ABCD3: variants seen among roughly 807,000 people sequenced by gnomAD.
ABCD3 encodes ATP-binding cassette sub-family D member 3.
A neutral mutation model predicts 105.5 loss-of-function variants in ABCD3; 41 were observed. The ratio of observed to expected loss-of-function variants is 0.39; its 90% CI spans 0.30 to 0.50. ABCD3 has a LOEUF of 0.50. Among genes scored for constraint, ABCD3 ranks in the 20% least tolerant of loss-of-function variants. The pLI is 0.84. For missense variants in ABCD3, 622 were observed against 806.3 expected (o/e 0.77, Z 2.77); for synonymous variants, 258 against 269.0 (o/e 0.96, Z 0.40).
At chr1:94,453,584 C>T (rs1289237574) in intron 1 of ABCD3, among the ~76,000 whole-genome samples, 2 of 151,986 alleles carry the variant, frequency 1.3e-5, no homozygotes, top group Non-Finnish European at 2.9e-5. Context: ...TCCCAAAGTG[C>T]TGGGATTACA....
At chr1:94,418,697 G>A in intron 1 of ABCD3, 109 bp downstream of exon 1, 1 of 1,169,982 alleles carries the variant, frequency 8.5e-7, no homozygotes, top group Non-Finnish European at 1.2e-6. Context: ...GGGTCGGGCG[G>A]AGAGAGGGCC....
intron 15 of ABCD3, among the ~76,000 whole-genome samples, chr1:94,490,240 G>T (rs150230988): frequency 6.6e-6 from 1 of 151,928 alleles, no homozygotes; most frequent in African/African-American, 2.4e-5. Context: ...CCATTTTTGT[G>T]TGTGTTTAGT....
At chr1:94,459,428 A>G (rs748262275) in intron 2 of ABCD3, among the ~76,000 whole-genome samples, 2 of 152,188 alleles carry the variant, frequency 1.3e-5, no homozygotes, top group Non-Finnish European at 2.9e-5. Flanking sequence ...CCTGACTAGC[A>G]TGGAATATAT....
intron 1 of ABCD3, among the ~76,000 whole-genome samples, chr1:94,421,010 G>A (rs1659239183): frequency 1.3e-5 from 2 of 151,768 alleles, no homozygotes; most frequent in South Asian, 2.1e-4. Context: ...AAATGTTCTG[G>A]GTTACTTTTA....
intron 1 of ABCD3, among the ~76,000 whole-genome samples, chr1:94,453,718 A>G (rs963126647): frequency 1.3e-5 from 2 of 150,166 alleles, no homozygotes; most frequent in Non-Finnish European, 3.0e-5. Flanking sequence ...TTTTTTTTCA[A>G]ATTTTATCTA....
Position 94,478,544 on chromosome 1 carries a change from G to T in ABCD3, c.684+229G>T, listed in dbSNP as rs1379794511. On this transcript the variant is annotated intron_variant, in intron 8 of 22. Coordinates refer to ENST00000370214, the MANE Select transcript of ABCD3 (RefSeq NM_002858.4). ...ATTAGGTACTTGGAAAAATTTTGTG[G>T]CATTAAAAACCAGACAAATGTATTG... 2.5e-6 allele frequency: 4 copies of T among 1,597,566 alleles called. No individual in the cohort carries two copies. In the Admixed American group the frequency reaches 5.1e-5, roughly 20 times the overall value.
intron 10 of ABCD3, among the ~76,000 whole-genome samples, chr1:94,486,768 C>T (rs1013256918): frequency 6.6e-6 from 1 of 152,114 alleles, no homozygotes; most frequent in Non-Finnish European, 1.5e-5. Context: ...AATATAGATA[C>T]CTTAGAAGAA....
At chr1:94,503,110 C>T (rs1361862509) in intron 20 of ABCD3, among the ~76,000 whole-genome samples, 1 of 151,962 alleles carries the variant, frequency 6.6e-6, no homozygotes, top group Non-Finnish European at 1.5e-5. Context: ...TTATGTGTGG[C>T]CCAAGACAAT....
chr1:94,441,164 A>G (rs913404568), intron 1 of ABCD3, among the ~76,000 whole-genome samples: 7 of 152,234 alleles, frequency 4.6e-5, no homozygotes, highest in African/African-American at 1.4e-4. Flanking sequence ...AAAACCCACC[A>G]TAACAAAAGA....
chr1:94,461,764 G>A lies in ABCD3; in HGVS notation c.148-3011G>A, dbSNP rs534088078. On this transcript the variant is annotated intron_variant, in intron 2 of 22. Transcript: ENST00000370214. Reference sequence around the variant, plus strand: ...ATTTTATGGTATTATAAACGAGTACGATGTTTTTATTTGTGTGGCTAAGCA... The same window carrying A: ...ATTTTATGGTATTATAAACGAGTACAATGTTTTTATTTGTGTGGCTAAGCA... Among the ~76,000 whole-genome samples the A allele has an allele frequency of 8.5e-5, 13 of 152,168 alleles. No homozygotes were observed. The South Asian group carries it at 1.2e-3, about 15-fold the overall frequency.
At chr1:94,496,694 GTTTTTTTTTTTTTTTTTTT>G (rs71094302) in intron 16 of ABCD3, among the ~76,000 whole-genome samples, 2 of 39,372 alleles carry the variant, frequency 5.1e-5, no homozygotes, top group Non-Finnish European at 8.3e-5. Context: ...CCTTGTTTCT[GTTTTTTTTTTTTTTTTTTT>G]TTTTTTTTTT....
At chr1:94,442,784 T>A (rs2100917879) in intron 1 of ABCD3, among the ~76,000 whole-genome samples, 1 of 152,324 alleles carries the variant, frequency 6.6e-6, no homozygotes, top group South Asian at 2.1e-4. Flanking sequence ...CATGTTGCTG[T>A]GAAAGACATG....
chr1:94,464,049 CA>C (rs1259855578), intron 2 of ABCD3, among the ~76,000 whole-genome samples: 2 of 152,102 alleles, frequency 1.3e-5, no homozygotes, highest in Non-Finnish European at 2.9e-5. Flanking sequence ...GCTTAAATGT[CA>C]AGAGACTTTT....
chr1:94,467,517 A>G (rs2100980615), intron 3 of ABCD3, among the ~76,000 whole-genome samples: 1 of 152,326 alleles, frequency 6.6e-6, no homozygotes, highest in Middle Eastern at 3.4e-3. Flanking sequence ...GGTTAGTTGT[A>G]TAACTGTATA....
At chr1:94,488,119 G>T in intron 13 of ABCD3, 136 bp downstream of exon 13, 1 of 779,786 alleles carries the variant, frequency 1.3e-6, no homozygotes, top group South Asian at 1.8e-5. Context: ...AGAAAATTAA[G>T]GAAGATTTTT....
intron 15 of ABCD3, 63 bp from the exon 16 acceptor site, chr1:94,491,120 AT>A (rs1649515053): frequency 8.9e-7 from 1 of 1,127,844 alleles, no homozygotes; most frequent in African/African-American, 1.6e-5. Flanking sequence ...TATTTTTGGT[AT>A]TGAGTTGTAT....
rs1388591081 is a variant in ABCD3, at chr1:94,487,709, T to C, written c.983T>C (p.Val328Ala). Residue 328 changes from valine (V) to alanine (A), a missense_variant, in exon 12 of 23, where the codon GTT (valine) becomes GCT (alanine). Val to Ala is a moderately conservative substitution (Grantham distance 64, BLOSUM62 0). Coordinates refer to ENST00000370214, the MANE Select transcript of ABCD3 (RefSeq NM_002858.4). ...TTGGTTTCAGACCTTGCCACTGTTG[T>C]TGGTTACCTAGTTGTCAGTCGCCCT... is the stretch of plus-strand genomic sequence containing the variant. ...SIIAKYLATV[V>A]GYLVVSRPFL... 3 of 1,614,062 alleles carry C rather than the reference T, an allele frequency of 1.9e-6. No individual in the cohort carries two copies. Among genetic ancestry groups the C allele is most frequent in the Non-Finnish European group, 2.5e-6 (3 of 1,179,950 alleles).
chr1:94,488,486 G>C (rs769888759), intron 13 of ABCD3, among the ~76,000 whole-genome samples: 12 of 151,828 alleles, frequency 7.9e-5, no homozygotes, highest in South Asian at 2.1e-4. Flanking sequence ...TTAGACAGTA[G>C]AATGAAATTA....
the ABCD3 span, among the ~76,000 whole-genome samples, chr1:94,409,154 T>C: frequency 6.6e-6 from 1 of 152,172 alleles, no homozygotes; most frequent in East Asian, 1.9e-4. Flanking sequence ...TAGTATTTGC[T>C]AGCACAACAG....
Sources: allele counts gnomAD v4.1 joint callset (sites outside exome capture counted in the v4.1 genomes callset), GRCh38; gene constraint gnomAD v4.1.1; transcripts MANE v1.5; gene names NCBI Gene and HGNC (gene_info 2026-07-23, HGNC 2026-07-21).